PTPRK: variants seen among roughly 807,000 people sequenced by gnomAD.
PTPRK encodes protein tyrosine phosphatase receptor type K.
A neutral mutation model predicts 178.0 loss-of-function variants in PTPRK; 75 were observed. The observed-to-expected ratio is 0.42, with a 90% CI of 0.35 to 0.51. The LOEUF is 0.51. Ranked by LOEUF, PTPRK falls within the 20% of genes least tolerant of loss-of-function variation. The pLI, the probability that PTPRK is intolerant of heterozygous loss-of-function variation, is 0.02. For synonymous variants in PTPRK, 637 were observed against 620.6 expected, an observed-to-expected ratio of 1.03 and a Z score of -0.39; for missense variants, 1,441 against 1,797.8, an observed-to-expected ratio of 0.80 and a Z score of 3.59.
chr6:128,273,853 C>G (rs146020313), intron 3 of PTPRK, among the ~76,000 whole-genome samples: 348 of 152,186 alleles, frequency 2.3e-3, no homozygotes, highest in Non-Finnish European at 3.4e-3. Flanking sequence ...CATGCTTTCT[C>G]CTCACTATCA....
chr6:128,355,229 A>T (rs1425636025), intron 2 of PTPRK, among the ~76,000 whole-genome samples: 1 of 152,256 alleles, frequency 6.6e-6, no homozygotes, highest in Non-Finnish European at 1.5e-5. Flanking sequence ...TGAGTTCAGT[A>T]ATTATGCAAC....
At chr6:128,447,773 G>A (rs1396591712) in intron 1 of PTPRK, among the ~76,000 whole-genome samples, 1 of 151,858 alleles carries the variant, frequency 6.6e-6, no homozygotes, top group Non-Finnish European at 1.5e-5. Context: ...ACACGCGTGT[G>A]CCACCAAGCC....
At chr6:128,277,641 G>T (rs1047117163) in intron 3 of PTPRK, among the ~76,000 whole-genome samples, 5 of 152,160 alleles carry the variant, frequency 3.3e-5, no homozygotes, top group Non-Finnish European at 7.3e-5. Flanking sequence ...CCTGGCCAAA[G>T]AAGTGAAGGT....
intron 10 of PTPRK, 77 bp downstream of exon 10, chr6:128,082,360 A>G: frequency 7.5e-7 from 1 of 1,331,046 alleles, no homozygotes; most frequent in Non-Finnish European, 1.1e-6. Flanking sequence ...CACTTGGTTT[A>G]TATGTGATTC....
intron 13 of PTPRK, among the ~76,000 whole-genome samples, chr6:128,014,523 G>A (rs1481809259): frequency 1.3e-5 from 2 of 151,592 alleles, no homozygotes; most frequent in Non-Finnish European, 3.0e-5. Context: ...TGGTGTGAAA[G>A]GTTTTTGTAA....
At chr6:128,051,895 T>A (rs143611051) in intron 13 of PTPRK, among the ~76,000 whole-genome samples, 37 of 152,272 alleles carry the variant, frequency 2.4e-4, no homozygotes, top group African/African-American at 8.2e-4. Flanking sequence ...TCAGCCTTTG[T>A]TTCTAGTGTT....
chr6:128,409,291 T>C, intron 1 of PTPRK: 2 of 454,056 alleles, frequency 4.4e-6, no homozygotes. Context: ...TTACATAACT[T>C]ACCTCCTTTT....
At chr6:128,126,383 G>A (rs1333576615) in intron 7 of PTPRK, among the ~76,000 whole-genome samples, 4 of 152,016 alleles carry the variant, frequency 2.6e-5, no homozygotes, top group East Asian at 3.9e-4. Context: ...TTCTTTATTC[G>A]TTTGCCTACC....
Position 128,466,547 on chromosome 6 carries a change from G to A in PTPRK, c.100+53712C>T, listed in dbSNP as rs555780281. ...CAGGTCTTTGAAATGTCAGAGTCTA[G>A]AAACACAAGACAATTAGGTTCCTAA... On this transcript the variant is annotated intron_variant, in intron 1 of 29. Coordinates refer to ENST00000368226, the MANE Select transcript of PTPRK (RefSeq NM_002844.4). Among the ~76,000 whole-genome samples the A allele has an allele frequency of 2.0e-5, 3 of 152,298 alleles. No individual in the cohort carries two copies. The East Asian group carries it at 5.8e-4, about 29-fold the overall frequency.
At chr6:128,268,059 T>G (rs1213939183) in intron 3 of PTPRK, among the ~76,000 whole-genome samples, 3 of 152,004 alleles carry the variant, frequency 2.0e-5, no homozygotes, top group African/African-American at 7.2e-5. Flanking sequence ...TATATTATTC[T>G]TCTCCCAGAC....
At chr6:128,357,151 CAG>C (rs1456017835) in intron 2 of PTPRK, among the ~76,000 whole-genome samples, 3 of 152,220 alleles carry the variant, frequency 2.0e-5, no homozygotes, top group South Asian at 4.1e-4. Flanking sequence ...AACCAAGAAA[CAG>C]ATAAAATTTT....
chr6:128,409,599 G>A (rs1044290003), intron 1 of PTPRK, among the ~76,000 whole-genome samples: 2 of 152,092 alleles, frequency 1.3e-5, no homozygotes, highest in African/African-American at 4.8e-5. Context: ...TTTTCAATTA[G>A]TGGTCTACAA....
intron 21 of PTPRK, among the ~76,000 whole-genome samples, chr6:127,986,840 A>C (rs986209086): frequency 6.6e-6 from 1 of 152,186 alleles, no homozygotes; most frequent in African/African-American, 2.4e-5. Context: ...ATACAAACCA[A>C]TACCACCAAA....
intron 13 of PTPRK, among the ~76,000 whole-genome samples, chr6:128,059,789 C>G (rs1259855980): frequency 2.0e-5 from 3 of 152,088 alleles, no homozygotes; most frequent in Non-Finnish European, 2.9e-5. Context: ...ATCTTCAGGT[C>G]CGTTCTATTT....
At chr6:128,159,837 G>A (rs547964331) in intron 7 of PTPRK, among the ~76,000 whole-genome samples, 59 of 151,800 alleles carry the variant, frequency 3.9e-4, no homozygotes, top group African/African-American at 1.4e-3. Context: ...GCAATAGATT[G>A]TGATGTCAAA....
chr6:128,310,438 C>A (rs1343051430), intron 3 of PTPRK, among the ~76,000 whole-genome samples: 1 of 151,582 alleles, frequency 6.6e-6, no homozygotes, highest in Non-Finnish European at 1.5e-5. Context: ...GATGTTTTTC[C>A]AAAAAAACAA....
chr6:128,352,009 C>A (rs936035200), intron 2 of PTPRK, among the ~76,000 whole-genome samples: 2 of 152,050 alleles, frequency 1.3e-5, no homozygotes, highest in African/African-American at 4.8e-5. Context: ...GTAATCCCAG[C>A]ACTTTGGGAG....
chr6:128,052,350 T>C (rs1379919456), intron 13 of PTPRK, among the ~76,000 whole-genome samples: 1 of 152,178 alleles, frequency 6.6e-6, no homozygotes, highest in Admixed American at 6.5e-5. Context: ...CATTCAAAAT[T>C]CCCAATTGTC....
At chr6:128,359,137 C>T (rs1005205087) in intron 2 of PTPRK, among the ~76,000 whole-genome samples, 1 of 152,200 alleles carries the variant, frequency 6.6e-6, no homozygotes, top group East Asian at 1.9e-4. Flanking sequence ...AACCATACAA[C>T]CCAGTGGTTG....
Sources: allele counts gnomAD v4.1 joint callset (sites outside exome capture counted in the v4.1 genomes callset), GRCh38; gene constraint gnomAD v4.1.1; transcripts MANE v1.5; gene names NCBI Gene and HGNC (gene_info 2026-07-23, HGNC 2026-07-21).